Variants in SPAG6 observed in about 807,000 individuals in gnomAD.
The protein encoded by SPAG6 is sperm associated antigen 6, also known as sperm-associated antigen 6.
Under a neutral mutation model 58.5 loss-of-function variants are expected in SPAG6, and 49 were observed. That is an observed-to-expected ratio of 0.84 (90% confidence interval 0.67 to 1.06). SPAG6 has a LOEUF of 1.06. SPAG6 is among the 50% of genes least tolerant of loss of function. SPAG6 has a pLI of 0.00. For synonymous variants in SPAG6, 233 were observed against 225.6 expected (o/e 1.03, Z -0.29); for missense variants, 560 against 611.3 (o/e 0.92, Z 0.89).
intron 4 of SPAG6, among the ~76,000 whole-genome samples, chr10:22,372,762 T>TAAAAAAAA (rs55634830): frequency 7.9e-6 from 1 of 126,878 alleles, no homozygotes. Context: ...GAGCTTTAGC[T>TAAAAAAAA]AAAAAAAAAA....
At chr10:22,412,427 C>G in intron 10 of SPAG6, 1 of 1,422,670 alleles carries the variant, frequency 7.0e-7, no homozygotes, top group Non-Finnish European at 9.5e-7. Context: ...TGTTTTCTAT[C>G]CACATATTTT....
chr10:22,410,852 T>C (rs1834713512), intron 9 of SPAG6, among the ~76,000 whole-genome samples, 179 bp from the exon 10 acceptor site: 1 of 152,222 alleles, frequency 6.6e-6, no homozygotes, highest in Non-Finnish European at 1.5e-5. Flanking sequence ...AACCTAAAAA[T>C]TAACACATTC....
intron 2 of SPAG6, among the ~76,000 whole-genome samples, chr10:22,358,602 A>G (rs947515130): frequency 8.6e-5 from 13 of 151,798 alleles, no homozygotes; most frequent in South Asian, 2.1e-4. Flanking sequence ...CCCATTTGTC[A>G]ATTTTGGCTT....
chr10:22,371,825 T>C (rs1184842096), intron 4 of SPAG6, among the ~76,000 whole-genome samples: 1 of 152,178 alleles, frequency 6.6e-6, no homozygotes, highest in Non-Finnish European at 1.5e-5. Flanking sequence ...AAAATACAAC[T>C]TCTAAAACTT....
intron 2 of SPAG6, among the ~76,000 whole-genome samples, chr10:22,347,520 A>G (rs982016083): frequency 6.6e-6 from 1 of 152,230 alleles, no homozygotes; most frequent in Non-Finnish European, 1.5e-5. Context: ...TCTGGACAAT[A>G]TGAATATAGC....
chr10:22,368,213 T>A (rs1837251460), intron 3 of SPAG6, among the ~76,000 whole-genome samples: 1 of 152,230 alleles, frequency 6.6e-6, no homozygotes, highest in Non-Finnish European at 1.5e-5. Flanking sequence ...TTGTGGAAAG[T>A]ATGTTTATAA....
chr10:22,375,182 C>T (rs1458535290), intron 4 of SPAG6, among the ~76,000 whole-genome samples: 4 of 152,130 alleles, frequency 2.6e-5, no homozygotes, highest in Non-Finnish European at 5.9e-5. Context: ...CAGTCACTGG[C>T]GTATAAATCT....
intron 8 of SPAG6, among the ~76,000 whole-genome samples, chr10:22,400,285 G>A (rs1005604702): frequency 6.6e-6 from 1 of 152,058 alleles, no homozygotes; most frequent in Admixed American, 6.6e-5. Flanking sequence ...CAAAACCTCA[G>A]ACAAGCAGAT....
chr10:22,346,137 C>T, intron 2 of SPAG6: 1 of 1,364,654 alleles, frequency 7.3e-7, no homozygotes, highest in Non-Finnish European at 9.6e-7. Context: ...CCATTTTATC[C>T]AAGTGCCATT....
chr10:22,378,243 T>C (rs1178190196), intron 4 of SPAG6, among the ~76,000 whole-genome samples: 1 of 151,788 alleles, frequency 6.6e-6, no homozygotes, highest in Non-Finnish European at 1.5e-5. Context: ...TTTGTATTTT[T>C]AGTAGAGACG....
intron 9 of SPAG6, among the ~76,000 whole-genome samples, chr10:22,403,258 A>G (rs1424341608): frequency 1.3e-5 from 2 of 152,154 alleles, no homozygotes; most frequent in East Asian, 1.9e-4. Context: ...AGCATGAGGT[A>G]TATCTCCCAA....
chr10:22,412,051 G>A (rs757991252), intron 10 of SPAG6, among the ~76,000 whole-genome samples: 4 of 151,844 alleles, frequency 2.6e-5, no homozygotes, highest in Non-Finnish European at 4.4e-5. Flanking sequence ...GGGTTTCACC[G>A]TGTTAGCCAG....
At chr10:22,376,634 C>CGTGT (rs549109633) in intron 4 of SPAG6, among the ~76,000 whole-genome samples, 4 of 151,646 alleles carry the variant, frequency 2.6e-5, no homozygotes, top group African/African-American at 9.7e-5. Context: ...TACTTGTGGA[C>CGTGT]ATGTGTGTGT....
chr10:22,367,638 A>G (rs774365472), intron 3 of SPAG6, among the ~76,000 whole-genome samples: 2 of 152,180 alleles, frequency 1.3e-5, no homozygotes, highest in African/African-American at 4.8e-5. Context: ...GGAGACCATC[A>G]CTGTGTCATT....
Position 22,391,823 on chromosome 10 carries a change from C to T in SPAG6, c.1100C>T (p.Thr367Ile). Residue 367 changes from threonine to isoleucine, a missense_variant, in exon 8 of 11, where the codon ACT becomes ATT. Transcript: ENST00000376624. ...AWALGQIGRH[T>I]PEHARAVAVT... ...GCCTTAGGACAGATTGGAAGACACACTCCTGAACACGCACGGGCTGTTGCA... is the reference window on the plus strand; with the variant it reads ...GCCTTAGGACAGATTGGAAGACACATTCCTGAACACGCACGGGCTGTTGCA... The T allele has an allele frequency of 6.2e-7, 1 of 1,613,554 alleles. No individual in the cohort carries two copies. The highest frequency in any genetic ancestry group is 8.5e-7 in the Non-Finnish European group (1 of 1,179,696).
intron 8 of SPAG6, among the ~76,000 whole-genome samples, chr10:22,395,788 G>T (rs555800400): frequency 1.3e-5 from 2 of 152,230 alleles, no homozygotes; most frequent in South Asian, 2.1e-4. Flanking sequence ...CTAACCAAAG[G>T]TCATAAAGAT....
At chr10:22,413,901 T>G (rs1228149690) in intron 10 of SPAG6, among the ~76,000 whole-genome samples, 2 of 152,210 alleles carry the variant, frequency 1.3e-5, no homozygotes, top group African/African-American at 4.8e-5. Context: ...TTAGAATTAA[T>G]TATCCTTTGT....
chr10:22,382,355 G>A (rs7092483), intron 4 of SPAG6, among the ~76,000 whole-genome samples: 24,573 of 152,056 alleles, frequency 0.16, 5,906 homozygotes, highest in African/African-American at 0.53. Flanking sequence ...GCAATAAACA[G>A]CTTTAATTAT....
chr10:22,346,476 TTCTTCTTCTTCTTC>T (rs1237357345), intron 2 of SPAG6, among the ~76,000 whole-genome samples: 75 of 141,752 alleles, frequency 5.3e-4, no homozygotes, highest in African/African-American at 2.2e-3. Flanking sequence ...CTTCTTCTTC[TTCTTCTTCTTCTTC>T]TTCTTCTTTC....
Sources: gnomAD v4.1 joint callset for allele counts (sites outside exome capture counted in the v4.1 genomes callset) on GRCh38, gnomAD v4.1.1 for gene constraint, MANE v1.5 for transcripts, NCBI Gene and HGNC (gene_info 2026-07-23, HGNC 2026-07-21) for gene names.